Variants in C19orf53 observed in about 807,000 individuals in gnomAD.
C19orf53 encodes leydig cell tumor 10 kDa protein homolog.
A neutral mutation model predicts 6.5 loss-of-function variants in C19orf53; 9 were observed. The ratio of observed to expected loss-of-function variants is 1.38; its 90% CI spans 0.83 to 2.40. The LOEUF (loss-of-function observed/expected upper bound fraction) is 2.40. Among genes scored for constraint, C19orf53 ranks in the 30% most tolerant of loss-of-function variants. The pLI is 0.00. For missense variants in C19orf53, 166 were observed against 129.7 expected (o/e 1.28, Z -1.36); for synonymous variants, 68 against 52.5 (o/e 1.29, Z -1.27).
chr19:13,777,884 C>T lies in C19orf53; in HGVS notation c.154-168C>T, dbSNP rs192771568. 1.5e-4 allele frequency among the ~76,000 whole-genome samples: 23 copies of T among 152,204 alleles called. No homozygotes were observed. In the East Asian group the frequency reaches 2.3e-3, roughly 15 times the overall value. On this transcript the variant is annotated intron_variant, in intron 2 of 2. Transcript: ENST00000588234. ...AGGATTTTTGTGTGTGTGGAGGCCC[C>T]GGAGAGTGCAGGACTTAAACCCCAG...
chr19:13,774,776 A>C, intron 2 of C19orf53, 69 bp downstream of exon 2: 2 of 1,527,652 alleles, frequency 1.3e-6, no homozygotes, highest in Middle Eastern at 1.8e-4. Context: ...GAGGACGGCG[A>C]GGGGGGATGG....
intron 2 of C19orf53, among the ~76,000 whole-genome samples, chr19:13,777,448 G>A (rs564707058): frequency 2.2e-4 from 33 of 152,198 alleles, no homozygotes; most frequent in Admixed American, 1.9e-3. Flanking sequence ...CTGGTCTCGA[G>A]TTCCTGGGCT....
In C19orf53 at chr19:13,778,428, T is replaced by C. The variant is rs1016750263; in HGVS notation, c.*230T>C. On this transcript the variant is annotated 3_prime_UTR_variant, in exon 3 of 3. Coordinates refer to ENST00000588234, the MANE Select transcript of C19orf53 (RefSeq NM_014047.3). ...CCTTCCCAGGTCCTGCCTCCACAGG[T>C]TTAACCCAGAACAATAAACCTGGCT... 3 of 444,890 alleles carry C rather than the reference T, an allele frequency of 6.7e-6. No individual in the cohort carries two copies. The highest frequency in any genetic ancestry group is 1.2e-5 in the Non-Finnish European group (3 of 255,764). The allele number at this position is 444,890 out of a possible 1,614,324, so 27.6% of individuals were successfully genotyped here. A position where few individuals can be genotyped will look rare whatever the true frequency, so the allele number is the denominator to read the frequency against.
chr19:13,774,507 G>A lies in C19orf53; in HGVS notation c.30G>A (p.Ala10=). The A allele has an allele frequency of 1.2e-6, 2 of 1,612,384 alleles. No individual in the cohort carries two copies. The highest frequency in any genetic ancestry group is 1.1e-5 in the South Asian group (1 of 90,928). MAQGQRKFQ[A]HKPAKSKTAA... Reference sequence around the variant, plus strand: ...CGCAGGGGCAGCGCAAGTTTCAGGCGCACAAACCCGCAAAGAGTAAGACGG... The same window carrying A: ...CGCAGGGGCAGCGCAAGTTTCAGGCACACAAACCCGCAAAGAGTAAGACGG... The change falls in exon 1 of 3, where the codon GCG becomes GCA. Residue 10 remains alanine, a synonymous_variant. Coordinates refer to ENST00000588234, the MANE Select transcript of C19orf53 (RefSeq NM_014047.3).
intron 2 of C19orf53, 175 bp downstream of exon 2, chr19:13,774,882 G>A (rs939951518): frequency 2.4e-6 from 2 of 833,360 alleles, no homozygotes; most frequent in African/African-American, 1.7e-5. Flanking sequence ...AGCGAAGGAT[G>A]GAGCCCGGGG....
rs760634809 is a variant in C19orf53, at chr19:13,778,202, C to T, written c.*4C>T. The T allele has an allele frequency of 1.0e-5, 16 of 1,596,328 alleles. No individual in the cohort carries two copies. The highest frequency in any genetic ancestry group is 6.7e-5 in the African/African-American group (5 of 74,456). On this transcript the variant is annotated 3_prime_UTR_variant, in exon 3 of 3. Coordinates refer to ENST00000588234, the MANE Select transcript of C19orf53 (RefSeq NM_014047.3). Reference sequence around the variant, plus strand: ...CTCCTCCAAGACACCTTCCTGAGGACGCTGGCCCCAGTGCAGGCCAACATC... The same window carrying T: ...CTCCTCCAAGACACCTTCCTGAGGATGCTGGCCCCAGTGCAGGCCAACATC...
chr19:13,777,375 G>A (rs1233483786), intron 2 of C19orf53, among the ~76,000 whole-genome samples: 2 of 151,950 alleles, frequency 1.3e-5, no homozygotes, highest in Non-Finnish European at 1.5e-5. Flanking sequence ...CGAGAGGCAC[G>A]CACCAGCACA....
At chr19:13,775,367 C>T (rs1210292822) in intron 2 of C19orf53, 1 of 157,188 alleles carries the variant, frequency 6.4e-6, no homozygotes, top group Non-Finnish European at 1.4e-5. Context: ...GCAGCCTCAG[C>T]CTCCTGGACT....
intron 2 of C19orf53, 107 bp from the exon 3 acceptor site, chr19:13,777,945 T>C (rs1239398009): frequency 5.0e-6 from 7 of 1,386,862 alleles, no homozygotes; most frequent in African/African-American, 1.5e-5. Flanking sequence ...TTCGAGGGGA[T>C]AGTTGCTGAT....
chr19:13,774,487 G>C lies in C19orf53; in HGVS notation c.10G>C (p.Gly4Arg). The C allele has an allele frequency of 6.2e-7, 1 of 1,607,478 alleles. No individual in the cohort carries two copies. The highest frequency in any genetic ancestry group is 8.5e-7 in the Non-Finnish European group (1 of 1,177,168). MAQ[G>R]QRKFQAHKPA... The stretch of plus-strand genomic sequence containing the variant: ...CGCTGCGTGCCGGACCATGGCGCAG[G>C]GGCAGCGCAAGTTTCAGGCGCACAA... The change falls in exon 1 of 3, where the codon GGG (glycine) becomes CGG (arginine). Residue 4 changes from glycine to arginine, a missense_variant. Gly to Arg is a moderately radical substitution (Grantham distance 125). Coordinates refer to ENST00000588234, the MANE Select transcript of C19orf53 (RefSeq NM_014047.3).
chr19:13,774,717 G>A lies in C19orf53; in HGVS notation c.153+10G>A. The A allele has an allele frequency of 6.3e-7, 1 of 1,595,320 alleles. No individual in the cohort carries two copies. The highest frequency in any genetic ancestry group is 8.6e-7 in the Non-Finnish European group (1 of 1,167,306). On this transcript the variant is annotated intron_variant, in intron 2 of 2. Coordinates refer to ENST00000588234, the MANE Select transcript of C19orf53 (RefSeq NM_014047.3). Reference sequence around the variant, plus strand: ...GCAAAAGCTCAAGAAGGTGTGCGGGGGCGAGAGATGGAGCCCGGAGGGCGG... The same window carrying A: ...GCAAAAGCTCAAGAAGGTGTGCGGGAGCGAGAGATGGAGCCCGGAGGGCGG...
rs548191474 is a variant in C19orf53 at position 13,777,985 on chromosome 19, A to T, written c.154-67A>T. On this transcript the variant is annotated intron_variant, in intron 2 of 2. Coordinates refer to ENST00000588234, the MANE Select transcript of C19orf53 (RefSeq NM_014047.3). ...CCCCCTGCGAGCTCTAGCCAGGAAG[A>T]GGGTGACTGGTCAGGCCCTCTCTCA... 297 of 1,535,550 alleles carry T rather than the reference A, an allele frequency of 1.9e-4. 2 individuals carry two copies. In the South Asian group the frequency reaches 3.6e-3, roughly 19 times the overall value.
At chr19:13,776,740 T>G (rs1030463422) in intron 2 of C19orf53, among the ~76,000 whole-genome samples, 1 of 152,198 alleles carries the variant, frequency 6.6e-6, no homozygotes, top group Non-Finnish European at 1.5e-5. Flanking sequence ...CAAAGAGGCC[T>G]GCCTTGATGG....
At position 13,774,534 on chromosome 19, in the gene C19orf53, A is replaced by C. The variant is rs80019370; in HGVS notation, c.57A>C (p.Ala19=). The C allele has an allele frequency of 6.5e-4, 1,050 of 1,613,920 alleles. 8 individuals carry two copies. The African/African-American group carries it at 0.013, about 20-fold the overall frequency. ...QAHKPAKSKT[A]AAASEKNRGP... is the part of the protein sequence containing the mutation. Reference sequence around the variant, plus strand: ...ACAAACCCGCAAAGAGTAAGACGGCAGCGGCAGCCTCTGAAAAGAATCGGG... The same window carrying C: ...ACAAACCCGCAAAGAGTAAGACGGCCGCGGCAGCCTCTGAAAAGAATCGGG... The change falls in exon 1 of 3, where the codon GCA becomes GCC. Residue 19 remains alanine (A), a synonymous_variant. Transcript: ENST00000588234.
chr19:13,778,049 C>G lies in C19orf53; in HGVS notation c.154-3C>G. The G allele has an allele frequency of 6.2e-7, 1 of 1,607,260 alleles. No homozygotes were observed. Among genetic ancestry groups the G allele is most frequent in the Non-Finnish European group, 8.5e-7 (1 of 1,176,148 alleles). ...ATCTGACTGCCCCGTGCTTCTCCCT[C>G]AGAACCTAGAAGTCGGAATCCGGAA... On this transcript the variant is annotated splice_region_variant and splice_polypyrimidine_tract_variant and intron_variant, in intron 2 of 2. Coordinates refer to ENST00000588234, the MANE Select transcript of C19orf53 (RefSeq NM_014047.3).
rs138767975 is a variant in C19orf53, at chr19:13,774,798, G to A, written c.153+91G>A. ...GCGAGGGGGGATGGGTGGAGCCCGGGGATCAGTGAGGGGAGAGGGTGGATC... is the reference window on the plus strand; with the variant it reads ...GCGAGGGGGGATGGGTGGAGCCCGGAGATCAGTGAGGGGAGAGGGTGGATC... On this transcript the variant is annotated intron_variant, in intron 2 of 2. Coordinates refer to ENST00000588234, the MANE Select transcript of C19orf53 (RefSeq NM_014047.3). The A allele has an allele frequency of 2.0e-3, 2,931 of 1,481,910 alleles. 24 individuals are homozygous for A. The African/African-American group carries it at 0.024, about 12-fold the overall frequency. The allele number at this position is 1,481,910 out of a possible 1,614,324, so 91.8% of individuals were successfully genotyped here. A position where few individuals can be genotyped will look rare whatever the true frequency, so the allele number is the denominator to read the frequency against.
rs1974389982 is a variant in C19orf53, at chr19:13,778,216, C to T, written c.*18C>T. The T allele has an allele frequency of 1.9e-6, 3 of 1,573,582 alleles. No individual in the cohort carries two copies. Among genetic ancestry groups the T allele is most frequent in the South Asian group, 2.3e-5 (2 of 86,050 alleles). On this transcript the variant is annotated 3_prime_UTR_variant, in exon 3 of 3. Coordinates refer to ENST00000588234, the MANE Select transcript of C19orf53 (RefSeq NM_014047.3). Reference sequence around the variant, plus strand: ...CTTCCTGAGGACGCTGGCCCCAGTGCAGGCCAACATCCCACCCCCTACCTC... The same window carrying T: ...CTTCCTGAGGACGCTGGCCCCAGTGTAGGCCAACATCCCACCCCCTACCTC...
rs116321824 is a variant in C19orf53 at position 13,778,036 on chromosome 19, C to G, written c.154-16C>G. The G allele has an allele frequency of 1.0e-5, 16 of 1,600,980 alleles. No individual in the cohort carries two copies. The highest frequency in any genetic ancestry group is 1.4e-5 in the Non-Finnish European group (16 of 1,172,468). Reference sequence around the variant, plus strand: ...GCCCCAGGTCACAATCTGACTGCCCCGTGCTTCTCCCTCAGAACCTAGAAG... The same window carrying G: ...GCCCCAGGTCACAATCTGACTGCCCGGTGCTTCTCCCTCAGAACCTAGAAG... On this transcript the variant is annotated splice_polypyrimidine_tract_variant and intron_variant, in intron 2 of 2. Transcript: ENST00000588234.
chr19:13,776,885 C>G (rs967076932), intron 2 of C19orf53, among the ~76,000 whole-genome samples: 2 of 152,238 alleles, frequency 1.3e-5, no homozygotes, highest in African/African-American at 4.8e-5. Flanking sequence ...AGCTCCATGA[C>G]CCCTGCATCC....
Sources: gnomAD v4.1 joint callset for allele counts (sites outside exome capture counted in the v4.1 genomes callset) on GRCh38, gnomAD v4.1.1 for gene constraint, MANE v1.5 for transcripts, NCBI Gene and HGNC (gene_info 2026-07-23, HGNC 2026-07-21) for gene names.